Variants in DCDC1 observed in about 807,000 individuals in gnomAD.
DCDC1 encodes the protein doublecortin domain containing 1.
DCDC1 carries 200 observed loss-of-function variants against 178.3 expected under a neutral mutation model. The observed-to-expected ratio is 1.12, with a 90% CI of 1.00 to 1.26. DCDC1 has a LOEUF of 1.26. DCDC1 is among the 50% of genes most tolerant of loss of function. The pLI is 0.00. For missense variants in DCDC1, 1,983 were observed against 1,749.2 expected (o/e 1.13, Z -2.38); for synonymous variants, 690 against 604.8 (o/e 1.14, Z -2.07).
chr11:31,225,517 A>G (rs1974821387), intron 9 of DCDC1, among the ~76,000 whole-genome samples: 1 of 151,488 alleles, frequency 6.6e-6, no homozygotes, highest in South Asian at 2.1e-4. Context: ...AAAAACTATT[A>G]AAATAAAATA....
chr11:31,058,267 T>A (rs1330201433), intron 20 of DCDC1, among the ~76,000 whole-genome samples: 1 of 152,142 alleles, frequency 6.6e-6, no homozygotes, highest in Non-Finnish European at 1.5e-5. Context: ...CTCTCCATTT[T>A]CTTAATTCCA....
intron 20 of DCDC1, among the ~76,000 whole-genome samples, chr11:31,042,059 C>G (rs1174577601): frequency 6.6e-6 from 1 of 152,160 alleles, no homozygotes; most frequent in East Asian, 1.9e-4. Flanking sequence ...GTCTTTCTTT[C>G]CCTGCTTATT....
rs551913665 is a variant in DCDC1, at chr11:31,323,481, G to A, written c.164+4636C>T. 2.6e-5 allele frequency among the ~76,000 whole-genome samples: 4 copies of A among 152,108 alleles called. No individual in the cohort carries two copies. In the East Asian group the frequency reaches 7.7e-4, roughly 29 times the overall value. On this transcript the variant is annotated intron_variant, in intron 3 of 38. Transcript: ENST00000684477. ...CCACTCTTTAGCCCTTCATTATTTG[G>A]TAGTCTCTTTGTTAAATGCAGTCAA... is the stretch of plus-strand genomic sequence containing the variant.
chr11:30,918,046 T>TA (rs144914353), intron 25 of DCDC1, among the ~76,000 whole-genome samples: 16,432 of 151,260 alleles, frequency 0.11, 1,012 homozygotes, highest in Admixed American at 0.19. Flanking sequence ...CCTTTACAGT[T>TA]AAAAAAAACA....
chr11:30,881,884 TACTC>T (rs1309782438), intron 36 of DCDC1, among the ~76,000 whole-genome samples: 2 of 152,202 alleles, frequency 1.3e-5, no homozygotes, highest in African/African-American at 4.8e-5. Context: ...CTTGAATACT[TACTC>T]ACAAAATCAC....
At chr11:31,356,590 G>A (rs1951380462) in intron 1 of DCDC1, among the ~76,000 whole-genome samples, 1 of 150,658 alleles carries the variant, frequency 6.6e-6, no homozygotes, top group Non-Finnish European at 1.5e-5. Flanking sequence ...TAAAATCAGA[G>A]CAGAACTGAA....
chr11:31,177,036 T>G (rs1421508082), intron 9 of DCDC1, among the ~76,000 whole-genome samples: 1 of 152,114 alleles, frequency 6.6e-6, no homozygotes, highest in Non-Finnish European at 1.5e-5. Flanking sequence ...TATGTAAGTC[T>G]CCTAATCACC....
chr11:30,940,180 T>G (rs1338956497), intron 21 of DCDC1, among the ~76,000 whole-genome samples: 3 of 152,162 alleles, frequency 2.0e-5, no homozygotes, highest in Non-Finnish European at 2.9e-5. Flanking sequence ...ACATAGAAAT[T>G]GACCCTTCCA....
chr11:30,992,361 C>G (rs1951036067), intron 20 of DCDC1: 3 of 152,202 alleles, frequency 2.0e-5, no homozygotes, highest in Non-Finnish European at 4.4e-5. Flanking sequence ...GGCTACTTAA[C>G]AGGGTAAGCT....
In DCDC1 at chr11:31,213,126, T is replaced by TCC. The variant is rs1972910441; in HGVS notation, c.1221+28323_1221+28324insGG. On this transcript the variant is annotated intron_variant, in intron 9 of 38. Coordinates refer to ENST00000684477, the MANE Select transcript of DCDC1 (RefSeq NM_001387274.1). ...CTCTCTCTCTCTCTCTCTCTCTCTC[T>TCC]CTCTCTCTCTCTCTCTCTCTCTCTC... is the stretch of plus-strand genomic sequence containing the variant. Among the ~76,000 whole-genome samples the TCC allele has an allele frequency of 2.2e-5, 3 of 134,228 alleles. No homozygotes were observed. The East Asian group carries it at 6.1e-4, about 27-fold the overall frequency. 88.1% of individuals were successfully genotyped at this position (134,228 alleles called of 152,430 possible). A position where few individuals can be genotyped will look rare whatever the true frequency, so the allele number is the denominator to read the frequency against.
At chr11:31,073,824 G>A (rs1040284792) in intron 18 of DCDC1, among the ~76,000 whole-genome samples, 1 of 152,066 alleles carries the variant, frequency 6.6e-6, no homozygotes, top group Admixed American at 6.6e-5. Flanking sequence ...TAATAAATGG[G>A]GTGAAATTTT....
intron 21 of DCDC1, among the ~76,000 whole-genome samples, chr11:30,951,710 G>A (rs1324409654): frequency 6.6e-6 from 1 of 151,984 alleles, no homozygotes; most frequent in African/African-American, 2.4e-5. Flanking sequence ...AGGTATGCAA[G>A]CTAAAATGTT....
At chr11:31,030,367 T>C (rs1377534432) in intron 20 of DCDC1, among the ~76,000 whole-genome samples, 1 of 152,032 alleles carries the variant, frequency 6.6e-6, no homozygotes, top group Non-Finnish European at 1.5e-5. Context: ...GAAATACTGC[T>C]GTGACTGAAA....
chr11:31,016,981 G>C (rs994737381), intron 20 of DCDC1, among the ~76,000 whole-genome samples: 2 of 152,162 alleles, frequency 1.3e-5, no homozygotes, highest in African/African-American at 4.8e-5. Flanking sequence ...TTATACTCTA[G>C]TCCAGAAATT....
At chr11:31,029,104 A>C (rs1953450049) in intron 20 of DCDC1, among the ~76,000 whole-genome samples, 1 of 152,052 alleles carries the variant, frequency 6.6e-6, no homozygotes, top group African/African-American at 2.4e-5. Flanking sequence ...TTCCTGTTCC[A>C]TTTCCTACTC....
chr11:31,348,249 C>A (rs978567592), intron 1 of DCDC1, among the ~76,000 whole-genome samples: 14 of 152,064 alleles, frequency 9.2e-5, no homozygotes, highest in Non-Finnish European at 1.8e-4. Context: ...ATTGAATATT[C>A]GAACTCACAT....
At position 31,061,261 on chromosome 11, in the gene DCDC1, C is replaced by T. The variant is rs148545196; in HGVS notation, c.2591+3208G>A. The stretch of plus-strand genomic sequence containing the variant: ...CCCAGTCCTTCTCCACCCCCTACTC[C>T]ATTTAAAAAAGGGTAAAGGACTCCT... On this transcript the variant is annotated intron_variant, in intron 20 of 38. Coordinates refer to ENST00000684477, the MANE Select transcript of DCDC1 (RefSeq NM_001387274.1). Among the ~76,000 whole-genome samples, 196 of 152,148 alleles carry T rather than the reference C, an allele frequency of 1.3e-3. 1 individual carries two copies. Among genetic ancestry groups the T allele is most frequent in the African/African-American group, 4.4e-3 (183 of 41,524 alleles).
At chr11:31,358,885 T>C (rs1263683647) in intron 1 of DCDC1, among the ~76,000 whole-genome samples, 1 of 152,218 alleles carries the variant, frequency 6.6e-6, no homozygotes, top group Non-Finnish European at 1.5e-5. Context: ...CACAATGAGA[T>C]ATCATCTCAC....
chr11:31,064,863 A>G (rs1301105127), intron 19 of DCDC1, among the ~76,000 whole-genome samples, 156 bp downstream of exon 19: 1 of 152,232 alleles, frequency 6.6e-6, no homozygotes, highest in Non-Finnish European at 1.5e-5. Context: ...ATAAATGTGC[A>G]TATAGATATT....
Sources: gnomAD v4.1 joint callset for allele counts (sites outside exome capture counted in the v4.1 genomes callset) on GRCh38, gnomAD v4.1.1 for gene constraint, MANE v1.5 for transcripts, NCBI Gene and HGNC (gene_info 2026-07-23, HGNC 2026-07-21) for gene names.